NTM: variants seen among roughly 807,000 people sequenced by gnomAD.
NTM encodes the protein neurotrimin, also known as IgLON family member 2.
A neutral mutation model predicts 42.1 loss-of-function variants in NTM; 13 were observed. The observed-to-expected ratio is 0.31, with a 90% CI of 0.20 to 0.49. The LOEUF (loss-of-function observed/expected upper bound fraction) is 0.49, where lower values mean the gene tolerates loss of function less well. Ranked by LOEUF, NTM falls within the 20% of genes least tolerant of loss-of-function variation. NTM has a pLI of 0.99. For missense variants in NTM, 373 were observed against 452.8 expected, an observed-to-expected ratio of 0.82 and a Z score of 1.60; for synonymous variants, 187 against 179.2, an observed-to-expected ratio of 1.04 and a Z score of -0.35.
At chr11:131,501,694 T>C (rs888073306) in intron 1 of NTM, among the ~76,000 whole-genome samples, 7 of 152,064 alleles carry the variant, frequency 4.6e-5, no homozygotes, top group African/African-American at 1.7e-4. Context: ...ATTGGGTAGA[T>C]CTTGAGTGTG....
chr11:131,644,904 A>G lies in NTM; in HGVS notation c.83-266660A>G, dbSNP rs906987246. On this transcript the variant is annotated intron_variant, in intron 1 of 8. Coordinates refer to ENST00000683400, the MANE Select transcript of NTM (RefSeq NM_001352005.2). ...TTATAATGGGAATTAGAACCTCTTC[A>G]TTTATCTCATTTTGTTACACTTGCT... 4.1e-4 allele frequency among the ~76,000 whole-genome samples: 63 copies of G among 152,118 alleles called. 1 individual carries two copies. Among genetic ancestry groups the G allele is most frequent in the African/African-American group, 1.5e-3 (63 of 41,432 alleles).
intron 3 of NTM, among the ~76,000 whole-genome samples, chr11:132,184,008 T>C (rs1390722260): frequency 2.0e-5 from 3 of 152,048 alleles, no homozygotes; most frequent in Non-Finnish European, 2.9e-5. Context: ...GTCTTCCCAG[T>C]ATAGTGTTAA....
intron 1 of NTM, among the ~76,000 whole-genome samples, chr11:131,742,704 T>TA (rs1046781285): frequency 1.3e-5 from 2 of 152,174 alleles, no homozygotes; most frequent in Non-Finnish European, 2.9e-5. Flanking sequence ...CAACTAAAAT[T>TA]AAAAAATTTT....
chr11:131,954,961 G>A (rs1465586976), intron 2 of NTM, among the ~76,000 whole-genome samples: 4 of 152,116 alleles, frequency 2.6e-5, no homozygotes, highest in Non-Finnish European at 5.9e-5. Context: ...ATGCTCAGTG[G>A]TGAGAGAGTT....
chr11:132,327,829 CCCTTCCTT>C lies in NTM; in HGVS notation c.935-2313_935-2306del, dbSNP rs202230127. On this transcript the variant is annotated intron_variant, in intron 7 of 8. Transcript: ENST00000683400. ...TTCCTTCCTGTCTCCCTCCCTCCCTCCCTTCCTTCCTTCCTTCCATCCTTTTTCTTCCT... is the reference window on the plus strand; with the variant it reads ...TTCCTTCCTGTCTCCCTCCCTCCCTCCCTTCCTTCCATCCTTTTTCTTCCT... Among the ~76,000 whole-genome samples, 43 of 147,532 alleles carry C rather than the reference CCCTTCCTT, an allele frequency of 2.9e-4. No homozygotes were observed. The East Asian group carries it at 6.3e-3, about 22-fold the overall frequency.
chr11:132,020,041 A>G (rs2074087715), intron 2 of NTM, among the ~76,000 whole-genome samples: 1 of 151,858 alleles, frequency 6.6e-6, no homozygotes, highest in Admixed American at 6.6e-5. Context: ...TTATGTCCAT[A>G]TTTACCCAGT....
At chr11:131,873,057 GC>G (rs1463813722) in intron 1 of NTM, among the ~76,000 whole-genome samples, 1 of 152,158 alleles carries the variant, frequency 6.6e-6, no homozygotes, top group East Asian at 1.9e-4. Flanking sequence ...TGAGACACAT[GC>G]ACATGTATGT....
intron 7 of NTM, among the ~76,000 whole-genome samples, chr11:132,322,057 C>A (rs2095581426): frequency 6.6e-6 from 1 of 151,980 alleles, no homozygotes; most frequent in Admixed American, 6.6e-5. Context: ...ACAACTGGTA[C>A]CATCCACTGC....
At chr11:131,639,976 A>T (rs558163228) in intron 1 of NTM, among the ~76,000 whole-genome samples, 1 of 142,378 alleles carries the variant, frequency 7.0e-6, no homozygotes, top group African/African-American at 2.5e-5. Flanking sequence ...AATAAAAATA[A>T]ATAATAAAAT....
intron 1 of NTM, among the ~76,000 whole-genome samples, chr11:131,783,558 T>G (rs1262005828): frequency 6.6e-6 from 1 of 152,178 alleles, no homozygotes; most frequent in African/African-American, 2.4e-5. Flanking sequence ...CTCTTTTCAA[T>G]GTATGGTGCT....
At chr11:131,928,775 T>C (rs1251225806) in intron 2 of NTM, among the ~76,000 whole-genome samples, 1 of 152,200 alleles carries the variant, frequency 6.6e-6, no homozygotes, top group African/African-American at 2.4e-5. Flanking sequence ...CGTCTGTGTT[T>C]TGTCCCACTG....
chr11:131,627,910 C>T (rs144604004), intron 1 of NTM, among the ~76,000 whole-genome samples: 65 of 152,178 alleles, frequency 4.3e-4, no homozygotes, highest in African/African-American at 1.4e-3. Context: ...CTCTAGAAAA[C>T]GAATTCAGGT....
intron 1 of NTM, among the ~76,000 whole-genome samples, chr11:131,623,966 AG>A (rs945234959): frequency 1.4e-4 from 21 of 152,202 alleles, no homozygotes; most frequent in African/African-American, 4.3e-4. Context: ...TCACCCACAA[AG>A]GCAGTTGCTC....
At chr11:131,430,027 C>A (rs975978625) in intron 1 of NTM, among the ~76,000 whole-genome samples, 2 of 152,102 alleles carry the variant, frequency 1.3e-5, no homozygotes, top group African/African-American at 4.8e-5. Context: ...AGTTTTGCTC[C>A]AAAGCTATTT....
chr11:131,611,609 G>A (rs1186144603), intron 1 of NTM, among the ~76,000 whole-genome samples: 1 of 152,162 alleles, frequency 6.6e-6, no homozygotes, highest in Non-Finnish European at 1.5e-5. Flanking sequence ...AGGAGCTGAG[G>A]ACCTAAACAC....
intron 2 of NTM, among the ~76,000 whole-genome samples, chr11:131,945,173 ATTTTTAGCTATTTGTGTAAAAC>A (rs1282847528): frequency 2.0e-5 from 3 of 152,218 alleles, no homozygotes; most frequent in Non-Finnish European, 2.9e-5. Flanking sequence ...GTCAAGTCCA[ATTTTTAGCTATTTGTGTAAAAC>A]AAACAGAGGC....
intron 1 of NTM, among the ~76,000 whole-genome samples, chr11:131,467,068 GC>G (rs1316506319): frequency 1.6e-4 from 25 of 152,162 alleles, no homozygotes; most frequent in Admixed American, 1.6e-3. Context: ...CTGAAGAATT[GC>G]TTCAGTAGTT....
chr11:131,736,134 C>T (rs1436718703), intron 1 of NTM, among the ~76,000 whole-genome samples: 1 of 152,058 alleles, frequency 6.6e-6, no homozygotes, highest in Non-Finnish European at 1.5e-5. Flanking sequence ...CACCCAGCCT[C>T]ATGAGATAAA....
chr11:131,473,511 C>A (rs1952643835), intron 1 of NTM, among the ~76,000 whole-genome samples: 1 of 152,158 alleles, frequency 6.6e-6, no homozygotes, highest in South Asian at 2.1e-4. Flanking sequence ...GATAGCTTTT[C>A]TCCTCTCAGC....
Sources: gnomAD v4.1 joint callset for allele counts (sites outside exome capture counted in the v4.1 genomes callset) on GRCh38, gnomAD v4.1.1 for gene constraint, MANE v1.5 for transcripts, NCBI Gene and HGNC (gene_info 2026-07-23, HGNC 2026-07-21) for gene names.